KIAA0825: variants seen among roughly 807,000 people sequenced by gnomAD.
KIAA0825 encodes KIAA0825.
A neutral mutation model predicts 147.6 loss-of-function variants in KIAA0825; 119 were observed. The ratio of observed to expected loss-of-function variants is 0.81; its 90% CI spans 0.69 to 0.94. The LOEUF is 0.94. Ranked by LOEUF, KIAA0825 falls within the 40% of genes least tolerant of loss-of-function variation. KIAA0825 has a pLI of 0.00. For missense variants in KIAA0825, 1,381 were observed against 1,472.7 expected (o/e 0.94, Z 1.02); for synonymous variants, 470 against 518.1 (o/e 0.91, Z 1.26).
At chr5:94,407,082 CTG>C (rs1427611180) in intron 15 of KIAA0825, among the ~76,000 whole-genome samples, 1 of 152,080 alleles carries the variant, frequency 6.6e-6, no homozygotes, top group South Asian at 2.1e-4. Flanking sequence ...AAAAGAAAAA[CTG>C]AGAAATGAAA....
At chr5:94,365,449 T>C (rs1745711695) in intron 20 of KIAA0825, among the ~76,000 whole-genome samples, 2 of 152,352 alleles carry the variant, frequency 1.3e-5, no homozygotes, top group South Asian at 4.1e-4. Flanking sequence ...GGTGATTCCA[T>C]GTCTAGGTTC....
chr5:94,600,312 A>C (rs901665350), intron 1 of KIAA0825, among the ~76,000 whole-genome samples: 6 of 152,050 alleles, frequency 3.9e-5, no homozygotes, highest in Admixed American at 1.3e-4. Flanking sequence ...ATCAGTGGGG[A>C]TATTTCCTTA....
chr5:94,172,726 A>G (rs1289709662), intron 20 of KIAA0825, among the ~76,000 whole-genome samples: 1 of 152,120 alleles, frequency 6.6e-6, no homozygotes, highest in Admixed American at 6.6e-5. Flanking sequence ...CTATGGACCT[A>G]CTATACTTAC....
chr5:94,283,865 C>G (rs753848168), intron 20 of KIAA0825, among the ~76,000 whole-genome samples: 8 of 152,044 alleles, frequency 5.3e-5, no homozygotes, highest in Non-Finnish European at 4.4e-5. Flanking sequence ...TACTGAATGC[C>G]TAAATTGGCA....
At chr5:94,179,246 T>C (rs1372044170) in intron 20 of KIAA0825, among the ~76,000 whole-genome samples, 1 of 152,166 alleles carries the variant, frequency 6.6e-6, no homozygotes, top group African/African-American at 2.4e-5. Context: ...CATAGAACTG[T>C]ACACACACAG....
chr5:94,483,558 AT>A (rs1451306487), intron 6 of KIAA0825, among the ~76,000 whole-genome samples: 6 of 151,422 alleles, frequency 4.0e-5, no homozygotes, highest in Non-Finnish European at 7.4e-5. Context: ...TCCTAATTAA[AT>A]CTTTGGCTTT....
intron 20 of KIAA0825, among the ~76,000 whole-genome samples, chr5:94,204,047 T>G (rs1474817106): frequency 6.6e-6 from 1 of 152,198 alleles, no homozygotes; most frequent in African/African-American, 2.4e-5. Context: ...GATACATCTG[T>G]GAATAACTAA....
intron 20 of KIAA0825, among the ~76,000 whole-genome samples, chr5:94,247,000 T>G (rs1370138783): frequency 1.3e-5 from 2 of 152,186 alleles, no homozygotes; most frequent in African/African-American, 4.8e-5. Flanking sequence ...GTCCTTACCT[T>G]CTTCATTCTC....
At chr5:94,533,135 C>T (rs1489161787) in intron 3 of KIAA0825, among the ~76,000 whole-genome samples, 2 of 151,512 alleles carry the variant, frequency 1.3e-5, no homozygotes, top group Non-Finnish European at 2.9e-5. Flanking sequence ...CCCGCCACCA[C>T]GCCCGGCTAA....
At chr5:94,268,526 G>A (rs1228823999) in intron 20 of KIAA0825, among the ~76,000 whole-genome samples, 1 of 152,146 alleles carries the variant, frequency 6.6e-6, no homozygotes, top group Non-Finnish European at 1.5e-5. Context: ...GGTTTGCTAT[G>A]CCACAAATAG....
intron 12 of KIAA0825, among the ~76,000 whole-genome samples, chr5:94,459,129 T>C (rs781040721): frequency 3.9e-5 from 6 of 152,196 alleles, no homozygotes; most frequent in Non-Finnish European, 7.4e-5. Context: ...GAGGTTCATC[T>C]CTGTGGCAGC....
At chr5:94,441,919 T>A (rs538347733) in intron 13 of KIAA0825, among the ~76,000 whole-genome samples, 1 of 152,198 alleles carries the variant, frequency 6.6e-6, no homozygotes, top group Non-Finnish European at 1.5e-5. Context: ...TTTCTCTTCA[T>A]AGTGGCAAGT....
At chr5:94,536,610 T>C (rs1006184817) in intron 3 of KIAA0825, among the ~76,000 whole-genome samples, 1 of 152,226 alleles carries the variant, frequency 6.6e-6, no homozygotes, top group African/African-American at 2.4e-5. Context: ...GAAAGAATCA[T>C]AAAATGACCA....
At chr5:94,581,194 T>C (rs1293756832) in intron 2 of KIAA0825, among the ~76,000 whole-genome samples, 1 of 152,126 alleles carries the variant, frequency 6.6e-6, no homozygotes, top group Non-Finnish European at 1.5e-5. Context: ...GATCAAATCA[T>C]TAGGATTAGA....
At position 94,154,094 on chromosome 5, in the gene KIAA0825, T is replaced by A; in HGVS notation, c.3741A>T (p.Glu1247Asp). 1 of 1,551,538 alleles carries A rather than the reference T, an allele frequency of 6.4e-7. No individual in the cohort carries two copies. The change falls in exon 21 of 21, where the codon GAA becomes GAT. Residue 1247 changes from glutamate to aspartate, a missense_variant. Physicochemically the swap from Glu to Asp is conservative, Grantham distance 45. Coordinates refer to ENST00000682413, the MANE Select transcript of KIAA0825 (RefSeq NM_001145678.3). ...GCTCCAGTATTGCTTTTTCTTCCTC[T>A]TCTAGTGTTTCATCCTTCTTCATTT... ...RWEMKKDETL[E>D]EEEKAILEHL...
intron 20 of KIAA0825, among the ~76,000 whole-genome samples, chr5:94,331,274 G>A (rs1330139643): frequency 1.3e-5 from 2 of 152,088 alleles, no homozygotes; most frequent in African/African-American, 4.8e-5. Context: ...AAGCATTAAA[G>A]GGATAATAAA....
Position 94,592,795 on chromosome 5 carries a change from T to C in KIAA0825, c.-152-10212A>G, listed in dbSNP as rs1784581142. ...TCAAAAAACATCTGTTTGCCTAGAC[T>C]CATTGGTTACAAATATGCTTCGGCT... On this transcript the variant is annotated intron_variant, in intron 1 of 20. Transcript: ENST00000682413. 4 of 428,512 alleles carry C rather than the reference T, an allele frequency of 9.3e-6. No individual in the cohort carries two copies. In the South Asian group the frequency reaches 1.0e-4, roughly 11 times the overall value. 26.5% of individuals were successfully genotyped at this position (428,512 alleles called of 1,614,324 possible).
At chr5:94,568,192 A>C (rs1326454011) in intron 2 of KIAA0825, 1 of 160,626 alleles carries the variant, frequency 6.2e-6, no homozygotes, top group African/African-American at 2.4e-5. Context: ...ACAATGAACA[A>C]GACATTCGAA....
At chr5:94,194,596 C>G (rs1325015310) in intron 20 of KIAA0825, among the ~76,000 whole-genome samples, 1 of 152,208 alleles carries the variant, frequency 6.6e-6, no homozygotes, top group Non-Finnish European at 1.5e-5. Context: ...CTGTCAGGGC[C>G]ACCACCAGGC....
Sources: gnomAD v4.1 joint callset for allele counts (sites outside exome capture counted in the v4.1 genomes callset) on GRCh38, gnomAD v4.1.1 for gene constraint, MANE v1.5 for transcripts, NCBI Gene and HGNC (gene_info 2026-07-23, HGNC 2026-07-21) for gene names.